CCDC141: variants seen among roughly 807,000 people sequenced by gnomAD.
The protein encoded by CCDC141 is coiled-coil domain-containing protein 141.
In CCDC141, 168 loss-of-function variants were observed where a neutral mutation model predicts 181.0. The ratio of observed to expected loss-of-function variants is 0.93; its 90% CI spans 0.82 to 1.05. The LOEUF is 1.05. Ranked by LOEUF, CCDC141 falls within the 50% of genes least tolerant of loss-of-function variation. CCDC141 has a pLI of 0.00. For synonymous variants in CCDC141, 666 were observed against 642.3 expected (o/e 1.04, Z -0.56); for missense variants, 1,902 against 1,788.5 (o/e 1.06, Z -1.14).
chr2:178,958,860 G>A (rs529331341), intron 5 of CCDC141, among the ~76,000 whole-genome samples: 2 of 151,558 alleles, frequency 1.3e-5, no homozygotes, highest in East Asian at 1.9e-4. Context: ...GTTCTGTTTG[G>A]GAAGCCTCTT....
At chr2:178,918,399 C>CT (rs1339538914) in intron 7 of CCDC141, among the ~76,000 whole-genome samples, 1 of 152,160 alleles carries the variant, frequency 6.6e-6, no homozygotes, top group East Asian at 1.9e-4. Context: ...CAGAGCCAGG[C>CT]CCTTTCTCAA....
chr2:178,909,296 C>G (rs1382453588), intron 7 of CCDC141, among the ~76,000 whole-genome samples: 1 of 152,182 alleles, frequency 6.6e-6, no homozygotes, highest in East Asian at 1.9e-4. Flanking sequence ...AGCTTTTTCT[C>G]AAATGTGTAA....
At chr2:179,001,001 AGGCCTGGGT>A (rs2041953592) in intron 2 of CCDC141, among the ~76,000 whole-genome samples, 1 of 152,174 alleles carries the variant, frequency 6.6e-6, no homozygotes, top group Non-Finnish European at 1.5e-5. Flanking sequence ...GTGAATAGCC[AGGCCTGGGT>A]GATGCTCATT....
At chr2:179,028,691 A>C (rs1236333247) in intron 2 of CCDC141, among the ~76,000 whole-genome samples, 1 of 152,210 alleles carries the variant, frequency 6.6e-6, no homozygotes, top group Non-Finnish European at 1.5e-5. Flanking sequence ...TGATTCTAAA[A>C]TATATTCTTT....
At position 178,829,819 on chromosome 2, in the gene CCDC141, T is replaced by C. The variant is rs879275720; in HGVS notation, c.*4354A>G. On this transcript the variant is annotated 3_prime_UTR_variant, in exon 24 of 24. Coordinates refer to ENST00000443758, the MANE Select transcript of CCDC141 (RefSeq NM_173648.4). ...TATTTCATGGCTGCACTTAAAATGC[T>C]GTGCATACAACAGGAGTTTCAAAAG... 1.9e-4 allele frequency: 29 copies of C among 152,268 alleles called. No homozygotes were observed. Among genetic ancestry groups the C allele is most frequent in the Admixed American group, 1.8e-3 (27 of 15,284 alleles). The allele number at this position is 152,268 out of a possible 1,614,324, so 9.4% of individuals were successfully genotyped here.
chr2:178,918,734 T>A lies in CCDC141; in HGVS notation c.1071A>T (p.Glu357Asp), dbSNP rs534363245. 7 of 1,550,500 alleles carry A rather than the reference T, an allele frequency of 4.5e-6. No individual in the cohort carries two copies. The highest frequency in any genetic ancestry group is 1.4e-5 in the African/African-American group (1 of 73,142). ...TGACCTTGTTAGCACTGTTAAAAAA[T>A]TCATTCGCCTTCTTTAACCAGGTAT... is the stretch of plus-strand genomic sequence containing the variant. ...ERNTWLKKAN[E>D]FFNSANKAFD... The change falls in exon 7 of 24, where the codon GAA becomes GAT. Residue 357 changes from glutamate to aspartate, a missense_variant. Glu to Asp is a conservative substitution (Grantham distance 45, BLOSUM62 2). Transcript: ENST00000443758.
In CCDC141 at chr2:178,888,549, G is replaced by A. The variant is rs1448038496; in HGVS notation, c.1385C>T (p.Ser462Leu). ...YALKKQQLTA[S>L]VEGYLRKVEM... The stretch of plus-strand genomic sequence containing the variant: ...TACCTTCCGTAGGTAACCCTCCACT[G>A]AGGCTGTTAGTTGTTGTTTCTTAAG... Residue 462 changes from serine (S) to leucine (L), a missense_variant, in exon 9 of 24, where the codon TCA (serine) becomes TTA (leucine). Transcript: ENST00000443758. 6.5e-7 allele frequency: 1 copy of A among 1,550,348 alleles called. No homozygotes were observed. Among genetic ancestry groups the A allele is most frequent in the South Asian group, 1.2e-5 (1 of 84,048 alleles).
At chr2:178,843,471 G>A (rs551123620) in intron 22 of CCDC141, among the ~76,000 whole-genome samples, 2 of 152,244 alleles carry the variant, frequency 1.3e-5, no homozygotes, top group Admixed American at 6.5e-5. Context: ...TATCTTCAGT[G>A]CTCACATTGG....
chr2:178,978,935 T>C (rs1429633199), intron 2 of CCDC141, among the ~76,000 whole-genome samples: 1 of 152,174 alleles, frequency 6.6e-6, no homozygotes, highest in Non-Finnish European at 1.5e-5. Flanking sequence ...CAAAGACACA[T>C]GTCTACATTC....
intron 2 of CCDC141, among the ~76,000 whole-genome samples, chr2:178,992,733 A>G (rs573048812): frequency 1.2e-4 from 19 of 152,284 alleles, no homozygotes; most frequent in African/African-American, 4.6e-4. Flanking sequence ...CCTCACCCAA[A>G]TCTCATCTTG....
chr2:179,013,172 A>G (rs777866690), intron 2 of CCDC141, among the ~76,000 whole-genome samples: 2 of 152,180 alleles, frequency 1.3e-5, no homozygotes, highest in Non-Finnish European at 2.9e-5. Context: ...GAGGATGTCA[A>G]ACTGCCCCTG....
chr2:178,991,839 C>A (rs1375154461), intron 2 of CCDC141, among the ~76,000 whole-genome samples: 2 of 151,722 alleles, frequency 1.3e-5, no homozygotes, highest in East Asian at 3.9e-4. Flanking sequence ...TTTTATTTAA[C>A]ATAATTATAT....
At chr2:178,843,663 T>C (rs999401890) in intron 22 of CCDC141, among the ~76,000 whole-genome samples, 5 of 152,206 alleles carry the variant, frequency 3.3e-5, no homozygotes, top group African/African-American at 1.2e-4. Context: ...TCTTTCCAAC[T>C]CAAATAATTT....
chr2:178,910,939 G>A (rs1481623086), intron 7 of CCDC141, among the ~76,000 whole-genome samples: 1 of 152,202 alleles, frequency 6.6e-6, no homozygotes, highest in African/African-American at 2.4e-5. Context: ...TTATCAACAA[G>A]GAATGGAGGA....
At chr2:178,904,590 TG>T (rs1687871040) in intron 8 of CCDC141, among the ~76,000 whole-genome samples, 2 of 151,046 alleles carry the variant, frequency 1.3e-5, no homozygotes, top group East Asian at 2.0e-4. Flanking sequence ...ATAATTTTTT[TG>T]TTCTCTCTCT....
At chr2:178,967,259 A>G (rs1211600537) in intron 4 of CCDC141, among the ~76,000 whole-genome samples, 2 of 152,168 alleles carry the variant, frequency 1.3e-5, no homozygotes, top group Non-Finnish European at 1.5e-5. Flanking sequence ...AGAACACCAC[A>G]AAGATATTCC....
At position 178,848,595 on chromosome 2, in the gene CCDC141, G is replaced by A. The variant is rs140342555; in HGVS notation, c.3357+1454C>T. Among the ~76,000 whole-genome samples the A allele has an allele frequency of 2.1e-3, 314 of 152,324 alleles. 8 individuals carry two copies. The South Asian group carries it at 0.025, about 12-fold the overall frequency. Reference sequence around the variant, plus strand: ...TCTTTCAGGAAGAATAGCCATCAAGGTAAAAGCTGGAAAGGGATATAACTT... The same window carrying A: ...TCTTTCAGGAAGAATAGCCATCAAGATAAAAGCTGGAAAGGGATATAACTT... On this transcript the variant is annotated intron_variant, in intron 21 of 23. Coordinates refer to ENST00000443758, the MANE Select transcript of CCDC141 (RefSeq NM_173648.4).
intron 2 of CCDC141, among the ~76,000 whole-genome samples, chr2:179,041,247 C>A (rs184988379): frequency 1.3e-5 from 2 of 152,068 alleles, no homozygotes; most frequent in South Asian, 2.1e-4. Context: ...CCCACCACCA[C>A]GCCTAGCTAA....
Position 178,881,915 on chromosome 2 carries a change from T to TCACA in CCDC141, c.1719+2982_1719+2985dup, listed in dbSNP as rs55791403. 5.1e-3 allele frequency among the ~76,000 whole-genome samples: 473 copies of TCACA among 92,334 alleles called. 7 individuals are homozygous for TCACA. Among genetic ancestry groups the TCACA allele is most frequent in the Non-Finnish European group, 8.1e-3 (348 of 43,160 alleles). 60.6% of individuals were successfully genotyped at this position (92,334 alleles called of 152,430 possible). ...GTCTCTCTCTCTCTCTCTCTCTCTC[T>TCACA]CACACACACACACACACACACACAC... On this transcript the variant is annotated intron_variant, in intron 11 of 23. Coordinates refer to ENST00000443758, the MANE Select transcript of CCDC141 (RefSeq NM_173648.4).
Sources: allele counts gnomAD v4.1 joint callset (sites outside exome capture counted in the v4.1 genomes callset), GRCh38; gene constraint gnomAD v4.1.1; transcripts MANE v1.5; gene names NCBI Gene and HGNC (gene_info 2026-07-23, HGNC 2026-07-21).